Variants in BPTF observed in about 807,000 individuals in gnomAD.
BPTF encodes nucleosome-remodeling factor subunit BPTF.
Under a neutral mutation model 292.5 loss-of-function variants are expected in BPTF, and 18 were observed. The observed-to-expected ratio is 0.06, with a 90% confidence interval of 0.04 to 0.09. The LOEUF is 0.09. Ranked by LOEUF, BPTF falls within the 10% of genes least tolerant of loss-of-function variation. The pLI, the probability that BPTF is intolerant of heterozygous loss-of-function variation, is 1.00. For synonymous variants in BPTF, 1,225 were observed against 1,251.9 expected, an observed-to-expected ratio of 0.98 and a Z score of 0.45; for missense variants, 2,726 against 3,498.7, an observed-to-expected ratio of 0.78 and a Z score of 5.57.
At chr17:67,843,159 T>A (rs1002950708) in intron 1 of BPTF, among the ~76,000 whole-genome samples, 2 of 148,556 alleles carry the variant, frequency 1.3e-5, no homozygotes, top group African/African-American at 4.9e-5. Flanking sequence ...AATATATATC[T>A]ACATATATAG....
chr17:67,890,148 A>G (rs974815748), intron 4 of BPTF, among the ~76,000 whole-genome samples: 2 of 152,220 alleles, frequency 1.3e-5, no homozygotes, highest in Admixed American at 6.5e-5. Context: ...AAATCTTAAA[A>G]TATTCTACCA....
intron 1 of BPTF, among the ~76,000 whole-genome samples, chr17:67,836,627 G>A (rs1291840827): frequency 1.3e-5 from 2 of 152,092 alleles, no homozygotes; most frequent in African/African-American, 4.8e-5. Flanking sequence ...AAATACATGA[G>A]GACTGATAAA....
chr17:67,885,737 C>T (rs2060708793), intron 4 of BPTF, among the ~76,000 whole-genome samples: 1 of 152,148 alleles, frequency 6.6e-6, no homozygotes, highest in African/African-American at 2.4e-5. Flanking sequence ...CTATAAGCTT[C>T]AGATTTTGAA....
rs1299106901 is a variant in BPTF at position 67,826,093 on chromosome 17, A to G, written c.369A>G (p.Lys123=). The part of the protein sequence containing the change: ...RTTAARRAVN[K]VVYDDHESEE... ...CCGCGGCCCGGAGGGCCGTCAACAA[A>G]GTGGTGTACGATGACCACGAGAGCG... The change falls in exon 1 of 28, where the codon AAA becomes AAG. Residue 123 remains lysine (K), a synonymous_variant. Transcript: ENST00000306378. The G allele has an allele frequency of 3.7e-6, 5 of 1,342,890 alleles. No homozygotes were observed. The African/African-American group carries it at 5.9e-5, about 16-fold the overall frequency. 83.2% of individuals were successfully genotyped at this position (1,342,890 alleles called of 1,614,324 possible).
At position 67,866,797 on chromosome 17, in the gene BPTF, A is replaced by T. The variant is rs1023264403; in HGVS notation, c.1660+110A>T. 4 of 762,084 alleles carry T rather than the reference A, an allele frequency of 5.2e-6. No homozygotes were observed. In the African/African-American group the frequency reaches 5.3e-5, roughly 10 times the overall value. The allele number at this position is 762,084 out of a possible 1,614,324, so 47.2% of individuals were successfully genotyped here. A position where few individuals can be genotyped will look rare whatever the true frequency, so the allele number is the denominator to read the frequency against. ...TTAAAATTTTCAAGTACAGTCGTGC[A>T]TTGCTTAATGATGGGGATACATTCT... On this transcript the variant is annotated intron_variant, in intron 3 of 27. Transcript: ENST00000306378.
At chr17:67,940,369 G>A (rs1220678523) in intron 18 of BPTF, 70 bp from the exon 19 acceptor site, 6 of 1,345,344 alleles carry the variant, frequency 4.5e-6, no homozygotes, top group Non-Finnish European at 6.3e-6. Context: ...CATGTGAGGT[G>A]TTGAATTATT....
intron 24 of BPTF, chr17:67,963,490 C>T (rs1555685096): frequency 2.6e-6 from 4 of 1,531,906 alleles, no homozygotes; most frequent in Non-Finnish European, 3.5e-6. Flanking sequence ...CTGCAGAACA[C>T]CTTATGATGA....
At chr17:67,929,252 G>T in intron 16 of BPTF, 84 bp from the exon 17 acceptor site, 1 of 1,551,196 alleles carries the variant, frequency 6.4e-7, no homozygotes, top group Non-Finnish European at 8.7e-7. Flanking sequence ...CCTGCCACAC[G>T]TAGTTTCTCC....
chr17:67,966,839 C>A (rs1278766966), intron 26 of BPTF, among the ~76,000 whole-genome samples, 183 bp downstream of exon 26: 2 of 152,058 alleles, frequency 1.3e-5, no homozygotes, highest in African/African-American at 4.8e-5. Context: ...CGGTGGCTCA[C>A]GCCTGTAATC....
At chr17:67,913,248 G>C in intron 11 of BPTF, 61 bp downstream of exon 11, 1 of 1,490,624 alleles carries the variant, frequency 6.7e-7, no homozygotes, top group Non-Finnish European at 9.0e-7. Context: ...TATCTCACAA[G>C]AATATCTCAT....
intron 23 of BPTF, among the ~76,000 whole-genome samples, chr17:67,949,793 C>CA (rs1170830759): frequency 2.0e-5 from 3 of 151,812 alleles, no homozygotes; most frequent in African/African-American, 7.3e-5. Context: ...CACGGTGTCT[C>CA]ACGCCTGTAA....
At chr17:67,855,977 G>A (rs1225537412) in intron 2 of BPTF, among the ~76,000 whole-genome samples, 2 of 152,186 alleles carry the variant, frequency 1.3e-5, no homozygotes, top group Non-Finnish European at 1.5e-5. Flanking sequence ...TGTGTGGGCT[G>A]CTTTCATCCA....
intron 23 of BPTF, among the ~76,000 whole-genome samples, chr17:67,953,632 A>AT (rs1433597768): frequency 6.8e-6 from 1 of 147,474 alleles, no homozygotes; most frequent in African/African-American, 2.5e-5. Context: ...CTGGAGTGCA[A>AT]TAGCACGATC....
intron 26 of BPTF, among the ~76,000 whole-genome samples, chr17:67,972,953 C>T (rs527932610): frequency 6.6e-6 from 1 of 150,948 alleles, no homozygotes; most frequent in East Asian, 1.9e-4. Flanking sequence ...CAGTTCTTCA[C>T]ATTTACACAT....
chr17:67,856,275 A>AT (rs1177615123), intron 2 of BPTF, among the ~76,000 whole-genome samples: 1 of 151,316 alleles, frequency 6.6e-6, no homozygotes, highest in Non-Finnish European at 1.5e-5. Flanking sequence ...CCATATTTTT[A>AT]TTATCTAAGA....
intron 13 of BPTF, among the ~76,000 whole-genome samples, chr17:67,921,365 A>C (rs1353668179): frequency 2.6e-5 from 4 of 151,776 alleles, no homozygotes; most frequent in Admixed American, 6.6e-5. Flanking sequence ...TCTCTACTAA[A>C]AATACAAAAA....
chr17:67,974,153 C>G (rs1293656718), intron 26 of BPTF: 7 of 152,020 alleles, frequency 4.6e-5, no homozygotes, highest in African/African-American at 1.7e-4. Context: ...AGATTACTGG[C>G]CTTTCACTCT....
rs542878831 is a variant in BPTF, at chr17:67,926,560, G to A, written c.5752-1795G>A. On this transcript the variant is annotated intron_variant, in intron 15 of 27. Transcript: ENST00000306378. ...AGGATGGTCTCGATCTCCTGACCTC[G>A]TGATCCGCCTGCCTTGGCCTCCCAA... Among the ~76,000 whole-genome samples, 14 of 151,976 alleles carry A rather than the reference G, an allele frequency of 9.2e-5. No individual in the cohort carries two copies. The East Asian group carries it at 2.7e-3, about 29-fold the overall frequency.
chr17:67,843,220 A>G (rs1024761435), intron 1 of BPTF, among the ~76,000 whole-genome samples: 2 of 146,304 alleles, frequency 1.4e-5, no homozygotes, highest in Non-Finnish European at 3.0e-5. Context: ...GTATGTAGAT[A>G]TATACCTATA....
Sources: allele counts gnomAD v4.1 joint callset (sites outside exome capture counted in the v4.1 genomes callset), GRCh38; gene constraint gnomAD v4.1.1; transcripts MANE v1.5; gene names NCBI Gene and HGNC (gene_info 2026-07-23, HGNC 2026-07-21).